The following ADGRD1 variants were observed in gnomAD, a reference collection of about 807,000 sequenced individuals.
ADGRD1 encodes adhesion G protein-coupled receptor D1, also known as G-protein coupled receptor 133.
In ADGRD1, 77 loss-of-function variants were observed where a neutral mutation model predicts 113.4. The observed-to-expected ratio is 0.68, with a 90% CI of 0.57 to 0.82. The LOEUF is 0.82. Among genes scored for constraint, ADGRD1 ranks in the 40% least tolerant of loss-of-function variants. ADGRD1 has a pLI of 0.00. For synonymous variants in ADGRD1, 474 were observed against 475.0 expected, an observed-to-expected ratio of 1.00 and a Z score of 0.03; for missense variants, 1,036 against 1,139.1, an observed-to-expected ratio of 0.91 and a Z score of 1.30.
intron 15 of ADGRD1, among the ~76,000 whole-genome samples, chr12:131,089,213 C>T (rs1593193450): frequency 1.3e-5 from 2 of 152,160 alleles, no homozygotes; most frequent in African/African-American, 4.8e-5. Context: ...AGAGACAGGT[C>T]CTCAGCCTGG....
rs1282256213 is a variant in ADGRD1, at chr12:131,050,358, A to G, written c.1474-26443A>G. 6.6e-6 allele frequency among the ~76,000 whole-genome samples: 1 copy of G among 152,030 alleles called. No homozygotes were observed. Among genetic ancestry groups the G allele is most frequent in the Non-Finnish European group, 1.5e-5 (1 of 68,026 alleles). On this transcript the variant is annotated intron_variant, in intron 13 of 24. Transcript: ENST00000261654. The surrounding 1 kb of genome is among the most constrained non-coding windows in gnomAD (Gnocchi z 4.8). Reference sequence around the variant, plus strand: ...ATTTGACTTGTGTTTTTCTAGCCCAAATTTCCCAAGATCACGAGCCACTCG... The same window carrying G: ...ATTTGACTTGTGTTTTTCTAGCCCAGATTTCCCAAGATCACGAGCCACTCG...
intron 15 of ADGRD1, among the ~76,000 whole-genome samples, chr12:131,086,214 G>A (rs1164254634): frequency 2.6e-5 from 4 of 152,220 alleles, no homozygotes; most frequent in Non-Finnish European, 5.9e-5. Flanking sequence ...CGTGTCCTGC[G>A]TGGTTTTGTG....
rs1884199910 is a variant in ADGRD1, at chr12:131,060,189, T to C, written c.1474-16612T>C. ...GCCCCGCATTGCTTCTCCCCATGGC[T>C]TCACACTCGGTCTTCTCCAGTGCCA... On this transcript the variant is annotated intron_variant, in intron 13 of 24. Coordinates refer to ENST00000261654, the MANE Select transcript of ADGRD1 (RefSeq NM_198827.5). The surrounding 1 kb of genome is among the most constrained non-coding windows in gnomAD (Gnocchi z 4.4). 6.6e-6 allele frequency among the ~76,000 whole-genome samples: 1 copy of C among 152,228 alleles called. No individual in the cohort carries two copies. The highest frequency in any genetic ancestry group is 2.4e-5 in the African/African-American group (1 of 41,462).
intron 12 of ADGRD1, among the ~76,000 whole-genome samples, chr12:131,010,408 C>T (rs1196752627): frequency 6.6e-6 from 1 of 152,206 alleles, no homozygotes; most frequent in East Asian, 1.9e-4. Flanking sequence ...CCCAATGTGA[C>T]ATGGTAACTG....
chr12:130,964,628 T>C (rs1870802919), intron 2 of ADGRD1, among the ~76,000 whole-genome samples: 1 of 152,184 alleles, frequency 6.6e-6, no homozygotes, highest in Non-Finnish European at 1.5e-5. Context: ...GAGGTTGCAG[T>C]GAGCCGAGAT....
intron 13 of ADGRD1, among the ~76,000 whole-genome samples, chr12:131,035,821 T>G (rs1292097559): frequency 6.6e-6 from 1 of 152,240 alleles, no homozygotes; most frequent in African/African-American, 2.4e-5. Context: ...TTATGCCTTA[T>G]GCACACAGAC....
Position 130,955,208 on chromosome 12 carries a change from GC to G in ADGRD1, c.103+551del, listed in dbSNP as rs377616791. On this transcript the variant is annotated intron_variant, in intron 2 of 24. Transcript: ENST00000261654. ...TCGAACTCCTGATTTCAGGTGATCC[GC>G]CCGCCTTGGCCTCCCAGAGTGCTGG... is the stretch of plus-strand genomic sequence containing the variant. Among the ~76,000 whole-genome samples, 9 of 145,890 alleles carry G rather than the reference GC, an allele frequency of 6.2e-5. No homozygotes were observed. The East Asian group carries it at 1.5e-3, about 24-fold the overall frequency.
intron 8 of ADGRD1, chr12:130,994,208 G>A (rs1874870761): frequency 6.8e-6 from 3 of 441,538 alleles, no homozygotes; most frequent in South Asian, 3.2e-5. Context: ...AAGCTGGAAG[G>A]TCCTTATGCA....
chr12:131,131,591 A>C, intron 20 of ADGRD1, 134 bp from the exon 21 acceptor site: 1 of 636,354 alleles, frequency 1.6e-6, no homozygotes, highest in East Asian at 2.8e-5. Context: ...GATTTGTCCC[A>C]GTGATGCCCC....
rs1886145164 is a variant in ADGRD1 at position 131,082,475 on chromosome 12, T to TA, written c.1548-2065_1548-2064insA. ...ATCGTCACACCTTTGCAGCTCCATC[T>TA]GAGCGATGTGACTTTCATATTGTTT... is the stretch of plus-strand genomic sequence containing the variant. On this transcript the variant is annotated intron_variant, in intron 14 of 24. Transcript: ENST00000261654. Among the ~76,000 whole-genome samples, 3 of 152,344 alleles carry TA rather than the reference T, an allele frequency of 2.0e-5. No homozygotes were observed. The South Asian group carries it at 6.2e-4, about 32-fold the overall frequency.
At chr12:131,043,519 T>C (rs1882355236) in intron 13 of ADGRD1, among the ~76,000 whole-genome samples, 4 of 152,244 alleles carry the variant, frequency 2.6e-5, no homozygotes, top group African/African-American at 9.6e-5. Context: ...GCAGACACCA[T>C]GCAGGCCTCT....
intron 15 of ADGRD1, among the ~76,000 whole-genome samples, chr12:131,101,000 T>C (rs1950058322): frequency 6.6e-6 from 1 of 152,158 alleles, no homozygotes; most frequent in Admixed American, 6.5e-5. Flanking sequence ...CTGGTTACCA[T>C]TGTTCCCAGT....
intron 13 of ADGRD1, among the ~76,000 whole-genome samples, chr12:131,015,979 C>T (rs978380925): frequency 3.3e-5 from 5 of 152,236 alleles, no homozygotes; most frequent in South Asian, 2.1e-4. Context: ...AGGTCTTTCC[C>T]GCCCGGCTTT....
At chr12:130,975,207 T>C (rs1037248539) in intron 4 of ADGRD1, among the ~76,000 whole-genome samples, 15 of 152,290 alleles carry the variant, frequency 9.8e-5, no homozygotes, top group African/African-American at 3.6e-4. Context: ...AAGTGTAAAC[T>C]TTACGGGGAT....
At chr12:131,023,359 G>C (rs35103186) in intron 13 of ADGRD1, 14,111 of 152,136 alleles carry the variant, frequency 0.093, 813 homozygotes, top group Middle Eastern at 0.17. Flanking sequence ...GTGAACCATC[G>C]TGTGGTTCTG....
rs78858324 is a variant in ADGRD1, at chr12:131,014,576, T to A, written c.1473+236T>A. Among the ~76,000 whole-genome samples, 830 of 152,210 alleles carry A rather than the reference T, an allele frequency of 5.5e-3. 10 individuals are homozygous for A. Among genetic ancestry groups the A allele is most frequent in the African/African-American group, 0.019 (800 of 41,526 alleles). ...CGGTGTCGATGTTGGGGAAGAGGCG[T>A]CGAGGTGGCTCTCCTAGACGTGTGG... On this transcript the variant is annotated intron_variant, in intron 13 of 24. Transcript: ENST00000261654.
At chr12:131,118,105 A>G (rs1034321004) in intron 18 of ADGRD1, among the ~76,000 whole-genome samples, 6 of 152,044 alleles carry the variant, frequency 3.9e-5, no homozygotes, top group African/African-American at 1.4e-4. Flanking sequence ...GCCACATCTC[A>G]CCCACATGGT....
intron 18 of ADGRD1, among the ~76,000 whole-genome samples, chr12:131,114,639 G>T (rs1226829753): frequency 6.6e-6 from 1 of 152,158 alleles, no homozygotes; most frequent in South Asian, 2.1e-4. Flanking sequence ...GAGCATGGTG[G>T]GGGGAGCCCC....
chr12:131,129,117 C>T (rs1431158617), intron 20 of ADGRD1, among the ~76,000 whole-genome samples: 3 of 140,900 alleles, frequency 2.1e-5, no homozygotes, highest in African/African-American at 5.4e-5. Context: ...AGTGACAGGC[C>T]GGCCCTGCTG....
Sources: allele counts gnomAD v4.1 joint callset (sites outside exome capture counted in the v4.1 genomes callset), GRCh38; gene constraint gnomAD v4.1.1; non-coding constraint Gnocchi (gnomAD v3.1); transcripts MANE v1.5; gene names NCBI Gene and HGNC (gene_info 2026-07-23, HGNC 2026-07-21).